Variants in CDH19 observed in about 807,000 individuals in gnomAD.
CDH19 encodes cadherin-19.
CDH19 carries 67 observed loss-of-function variants against 64.2 expected under a neutral mutation model. The observed-to-expected ratio is 1.04, with a 90% CI of 0.86 to 1.28. The LOEUF is 1.28. CDH19 is among the 50% of genes most tolerant of loss of function. The pLI is 0.00. For missense variants in CDH19, 1,030 were observed against 929.0 expected (o/e 1.11, Z -1.41); for synonymous variants, 346 against 319.3 (o/e 1.08, Z -0.89).
chr18:66,579,633 A>T (rs1988367202), intron 1 of CDH19, among the ~76,000 whole-genome samples: 1 of 152,054 alleles, frequency 6.6e-6, no homozygotes, highest in African/African-American at 2.4e-5. Flanking sequence ...TAGGAAAGAT[A>T]TTGCTCTAGA....
intron 10 of CDH19, among the ~76,000 whole-genome samples, chr18:66,510,481 C>T (rs1985421667): frequency 6.8e-6 from 1 of 147,026 alleles, no homozygotes; most frequent in Non-Finnish European, 1.5e-5. Flanking sequence ...AAAACTCCAG[C>T]TTAGATTCAT....
intron 11 of CDH19, 84 bp from the exon 12 acceptor site, chr18:66,505,386 A>G: frequency 9.2e-7 from 1 of 1,092,806 alleles, no homozygotes; most frequent in Non-Finnish European, 1.2e-6. Flanking sequence ...TTCAAGCTCA[A>G]GATGAGTGCT....
chr18:66,599,767 G>C (rs865781776), intron 1 of CDH19, among the ~76,000 whole-genome samples: 1 of 151,796 alleles, frequency 6.6e-6, no homozygotes, highest in African/African-American at 2.4e-5. Flanking sequence ...CATGAATATA[G>C]GATAAATAAA....
rs1224006239 is a variant in CDH19, at chr18:66,504,260, T to C, written c.*552A>G. On this transcript the variant is annotated 3_prime_UTR_variant, in exon 12 of 12. Transcript: ENST00000262150. ...TCCTCCAACTGTTGTTTATCATACTTTCTAGTTTTCTACGAAGATTACCTA... is the reference window on the plus strand; with the variant it reads ...TCCTCCAACTGTTGTTTATCATACTCTCTAGTTTTCTACGAAGATTACCTA... 6.6e-6 allele frequency: 1 copy of C among 150,912 alleles called. No individual in the cohort carries two copies. The highest frequency in any genetic ancestry group is 1.5e-5 in the Non-Finnish European group (1 of 67,718). The allele number at this position is 150,912 out of a possible 1,614,324, so 9.3% of individuals were successfully genotyped here.
chr18:66,508,803 AC>A (rs1985327005), intron 11 of CDH19, among the ~76,000 whole-genome samples, 191 bp downstream of exon 11: 1 of 151,866 alleles, frequency 6.6e-6, no homozygotes, highest in African/African-American at 2.4e-5. Flanking sequence ...TATTTACTCC[AC>A]TTGATTTAAG....
At chr18:66,591,858 A>T in intron 1 of CDH19, among the ~76,000 whole-genome samples, 1 of 151,842 alleles carries the variant, frequency 6.6e-6, no homozygotes, top group East Asian at 1.9e-4. Flanking sequence ...GGCTTCAGTG[A>T]GTATCTGCCT....
rs115106540 is a variant in CDH19, at chr18:66,560,000, T to C, written c.491-5476A>G. On this transcript the variant is annotated intron_variant, in intron 3 of 11. Transcript: ENST00000262150. ...TGTATGGAAAAACAAGGACCAAGTATGGTCCAGGCATTTTTTGTTTGTTTG... is the reference window on the plus strand; with the variant it reads ...TGTATGGAAAAACAAGGACCAAGTACGGTCCAGGCATTTTTTGTTTGTTTG... 8.3e-3 allele frequency among the ~76,000 whole-genome samples: 1,264 copies of C among 152,124 alleles called. 14 individuals are homozygous for C. Among genetic ancestry groups the C allele is most frequent in the African/African-American group, 0.029 (1,186 of 41,540 alleles).
chr18:66,602,766 A>T (rs1568218071), intron 1 of CDH19, among the ~76,000 whole-genome samples: 1 of 151,862 alleles, frequency 6.6e-6, no homozygotes, highest in East Asian at 1.9e-4. Context: ...TTGATTGTTT[A>T]AAAATTTTGA....
At chr18:66,577,700 T>C (rs1442919766) in intron 1 of CDH19, among the ~76,000 whole-genome samples, 1 of 151,940 alleles carries the variant, frequency 6.6e-6, no homozygotes, top group Non-Finnish European at 1.5e-5. Flanking sequence ...TCAGATCCCA[T>C]TGCTACTGTA....
At chr18:66,517,423 T>A (rs1191441786) in intron 9 of CDH19, among the ~76,000 whole-genome samples, 2 of 152,062 alleles carry the variant, frequency 1.3e-5, no homozygotes, top group African/African-American at 4.8e-5. Flanking sequence ...TGATAACTAT[T>A]TGCACCACAT....
intron 1 of CDH19, among the ~76,000 whole-genome samples, chr18:66,590,276 C>G (rs938602243): frequency 6.6e-6 from 1 of 151,824 alleles, no homozygotes; most frequent in African/African-American, 2.4e-5. Flanking sequence ...AGTGTTTACT[C>G]TGTGATGATT....
chr18:66,586,835 ATTG>A (rs1988593262), intron 1 of CDH19, among the ~76,000 whole-genome samples: 1 of 152,056 alleles, frequency 6.6e-6, no homozygotes, highest in African/African-American at 2.4e-5. Flanking sequence ...CCCTTCTTGA[ATTG>A]TTGTGGCTGG....
chr18:66,577,323 C>T (rs1402225993), intron 1 of CDH19, among the ~76,000 whole-genome samples: 2 of 151,792 alleles, frequency 1.3e-5, no homozygotes, highest in African/African-American at 4.8e-5. Flanking sequence ...AAGACTATGC[C>T]ATCTGACTTT....
At chr18:66,534,590 A>G (rs551493210) in intron 8 of CDH19, among the ~76,000 whole-genome samples, 1 of 151,996 alleles carries the variant, frequency 6.6e-6, no homozygotes, top group African/African-American at 2.4e-5. Context: ...TATTTCTTTA[A>G]GCTTTAATAA....
intron 9 of CDH19, among the ~76,000 whole-genome samples, chr18:66,515,235 C>G (rs1314577844): frequency 1.3e-5 from 2 of 151,370 alleles, no homozygotes; most frequent in Non-Finnish European, 3.0e-5. Context: ...GTAGGTATAC[C>G]TTGTATTAGG....
chr18:66,533,938 C>A (rs1169448158), intron 8 of CDH19, among the ~76,000 whole-genome samples: 1 of 151,740 alleles, frequency 6.6e-6, no homozygotes, highest in Non-Finnish European at 1.5e-5. Flanking sequence ...ATATTGATTT[C>A]ACAGTAGTAA....
intron 9 of CDH19, among the ~76,000 whole-genome samples, chr18:66,524,540 GTGTA>G (rs978975641): frequency 5.5e-5 from 4 of 72,256 alleles, no homozygotes; most frequent in African/African-American, 1.8e-4. Flanking sequence ...GTATGTTTGT[GTGTA>G]TATATATATA....
chr18:66,543,683 G>C (rs1308836631), intron 7 of CDH19, among the ~76,000 whole-genome samples: 1 of 152,010 alleles, frequency 6.6e-6, no homozygotes, highest in Non-Finnish European at 1.5e-5. Flanking sequence ...AGGAGTTCGA[G>C]ACCAGCCTGG....
chr18:66,528,950 A>G (rs1986328591), intron 9 of CDH19, among the ~76,000 whole-genome samples: 1 of 151,920 alleles, frequency 6.6e-6, no homozygotes, highest in Non-Finnish European at 1.5e-5. Context: ...ATTAGTGGAC[A>G]TTTTTTAAAG....
Sources: gnomAD v4.1 joint callset for allele counts (sites outside exome capture counted in the v4.1 genomes callset) on GRCh38, gnomAD v4.1.1 for gene constraint, MANE v1.5 for transcripts, NCBI Gene and HGNC (gene_info 2026-07-23, HGNC 2026-07-21) for gene names.